METRNL: variants seen among roughly 807,000 people sequenced by gnomAD.
METRNL encodes the protein meteorin-like protein.
In METRNL, 9 loss-of-function variants were observed where a neutral mutation model predicts 17.4. The observed-to-expected ratio is 0.52, with a 90% CI of 0.31 to 0.90. The LOEUF is 0.90. METRNL is among the 40% of genes least tolerant of loss of function. METRNL has a pLI of 0.05. For missense variants in METRNL, 408 were observed against 430.7 expected (o/e 0.95, Z 0.47); for synonymous variants, 215 against 199.3 (o/e 1.08, Z -0.66).
chr17:83,080,894 G>C (rs1364809815), intron 1 of METRNL, among the ~76,000 whole-genome samples: 1 of 150,884 alleles, frequency 6.6e-6, no homozygotes, highest in African/African-American at 2.4e-5. Context: ...CGCGGGCCGA[G>C]TCACGCGGTG....
Position 83,094,299 on chromosome 17 carries a change from G to A in METRNL, c.660G>A (p.Arg220=), listed in dbSNP as rs1483919594. 6 of 1,590,956 alleles carry A rather than the reference G, an allele frequency of 3.8e-6. No homozygotes were observed. Among genetic ancestry groups the A allele is most frequent in the Non-Finnish European group, 5.2e-6 (6 of 1,162,904 alleles). Reference sequence around the variant, plus strand: ...AGCAAGTTACCCACGAGCCTGAGCGGCAGGACTCAGCCATCCACCTGCGCG... The same window carrying A: ...AGCAAGTTACCCACGAGCCTGAGCGACAGGACTCAGCCATCCACCTGCGCG... ...SIQQVTHEPE[R]QDSAIHLRVS... is the part of the protein sequence containing the mutation. Residue 220 remains arginine, a synonymous_variant, in exon 4 of 4, where the codon CGG becomes CGA. Transcript: ENST00000320095.
chr17:83,080,534 C>G (rs1471279253), intron 1 of METRNL, among the ~76,000 whole-genome samples: 1 of 134,388 alleles, frequency 7.4e-6, no homozygotes, highest in Non-Finnish European at 1.6e-5. Context: ...GGTCAGGCCG[C>G]CCTTGGCCGC....
intron 1 of METRNL, among the ~76,000 whole-genome samples, chr17:83,083,022 G>A (rs1023248606): frequency 6.6e-6 from 1 of 152,234 alleles, no homozygotes; most frequent in African/African-American, 2.4e-5. Context: ...GGTGAAGGCC[G>A]GGGTAGCCGG....
At chr17:83,083,640 G>A (rs1425497741) in intron 1 of METRNL, among the ~76,000 whole-genome samples, 2 of 152,192 alleles carry the variant, frequency 1.3e-5, no homozygotes, top group African/African-American at 2.4e-5. Context: ...GTCGGGGTGG[G>A]GAGAGGGTGA....
chr17:83,082,857 C>T (rs1568334789), intron 1 of METRNL, among the ~76,000 whole-genome samples: 3 of 152,170 alleles, frequency 2.0e-5, no homozygotes, highest in South Asian at 2.1e-4. Context: ...ACGGGTCTTG[C>T]GCATCATGTG....
intron 2 of METRNL, among the ~76,000 whole-genome samples, chr17:83,091,973 T>G (rs903406173): frequency 3.3e-5 from 5 of 152,198 alleles, no homozygotes; most frequent in African/African-American, 1.2e-4. Flanking sequence ...GGTTTCTGTT[T>G]CACAGTGGCC....
At chr17:83,091,554 C>T (rs1395461733) in intron 2 of METRNL, among the ~76,000 whole-genome samples, 1 of 152,240 alleles carries the variant, frequency 6.6e-6, no homozygotes, top group Non-Finnish European at 1.5e-5. Context: ...CCCGCCTTGG[C>T]CAAGGTGCCA....
chr17:83,081,765 A>C (rs1249528325), intron 1 of METRNL, among the ~76,000 whole-genome samples: 1 of 152,068 alleles, frequency 6.6e-6, no homozygotes, highest in Non-Finnish European at 1.5e-5. Flanking sequence ...TGTGATCTGG[A>C]GGGGACACGG....
At chr17:83,080,454 G>C (rs995764246) in intron 1 of METRNL, among the ~76,000 whole-genome samples, 1 of 150,290 alleles carries the variant, frequency 6.7e-6, no homozygotes, top group African/African-American at 2.4e-5. Context: ...GTCTCGGGGA[G>C]CCGCGGGCGG....
At chr17:83,088,349 G>A (rs997428617) in intron 2 of METRNL, among the ~76,000 whole-genome samples, 1 of 152,230 alleles carries the variant, frequency 6.6e-6, no homozygotes, top group African/African-American at 2.4e-5. Context: ...TCCGGGAAAC[G>A]GGCACCGTTC....
intron 3 of METRNL, 35 bp from the exon 4 acceptor site, chr17:83,094,221 G>A (rs767308348): frequency 2.0e-6 from 3 of 1,516,274 alleles, no homozygotes; most frequent in Admixed American, 3.9e-5. Flanking sequence ...GCTTGCCTTT[G>A]CTCACTCCCT....
intron 2 of METRNL, among the ~76,000 whole-genome samples, chr17:83,091,541 G>A (rs887669694): frequency 3.3e-5 from 5 of 152,242 alleles, no homozygotes; most frequent in Non-Finnish European, 5.9e-5. Flanking sequence ...CTGAGCAGCT[G>A]TCCCCGCCTT....
chr17:83,090,102 C>T (rs1028445866), intron 2 of METRNL, among the ~76,000 whole-genome samples: 1 of 151,612 alleles, frequency 6.6e-6, no homozygotes, highest in African/African-American at 2.4e-5. Flanking sequence ...TGTGGCTGGG[C>T]CTGTGGGCTC....
In METRNL at chr17:83,094,809, T is replaced by A. The variant is rs1285261213; in HGVS notation, c.*234T>A. On this transcript the variant is annotated 3_prime_UTR_variant, in exon 4 of 4. Coordinates refer to ENST00000320095, the MANE Select transcript of METRNL (RefSeq NM_001004431.3). ...GTAAAATGCAAACTAAGTTATTATATTTTTTTTTGGTAAAAAAGAAATGTC... is the reference window on the plus strand; with the variant it reads ...GTAAAATGCAAACTAAGTTATTATAATTTTTTTTGGTAAAAAAGAAATGTC... 3 of 358,290 alleles carry A rather than the reference T, an allele frequency of 8.4e-6. No homozygotes were observed. The highest frequency in any genetic ancestry group is 1.5e-5 in the Non-Finnish European group (3 of 201,102). 22.2% of individuals were successfully genotyped at this position (358,290 alleles called of 1,614,324 possible).
rs555596804 is a variant in METRNL, at chr17:83,084,639, G to T, written c.171-299G>T. 1,056 of 482,698 alleles carry T rather than the reference G, an allele frequency of 2.2e-3. 1 individual carries two copies. The highest frequency in any genetic ancestry group is 3.3e-3 in the Non-Finnish European group (894 of 272,034). The allele number at this position is 482,698 out of a possible 1,614,324, so 29.9% of individuals were successfully genotyped here. On this transcript the variant is annotated intron_variant, in intron 1 of 3. Coordinates refer to ENST00000320095, the MANE Select transcript of METRNL (RefSeq NM_001004431.3). ...GGCGCAGACTCTTGAGTGTTGGAGG[G>T]TGTCTGGAGGGCCTGGGGACAAGCA...
intron 3 of METRNL, 68 bp downstream of exon 3, chr17:83,093,294 C>A: frequency 7.4e-7 from 1 of 1,346,278 alleles, no homozygotes; most frequent in Non-Finnish European, 1.0e-6. Flanking sequence ...CTGTTTGGGC[C>A]CAGGAGTCCC....
chr17:83,086,527 G>C (rs1482718362), intron 2 of METRNL, among the ~76,000 whole-genome samples: 1 of 152,178 alleles, frequency 6.6e-6, no homozygotes, highest in Non-Finnish European at 1.5e-5. Flanking sequence ...TGCTCTGGGG[G>C]CCCTGGAGAA....
intron 2 of METRNL, among the ~76,000 whole-genome samples, chr17:83,090,080 G>A (rs1470861116): frequency 1.3e-5 from 2 of 151,922 alleles, no homozygotes; most frequent in Non-Finnish European, 2.9e-5. Context: ...CCAGGCCCCG[G>A]GGTGGGACGC....
chr17:83,088,741 C>T (rs971771079), intron 2 of METRNL, among the ~76,000 whole-genome samples: 1 of 149,956 alleles, frequency 6.7e-6, no homozygotes, highest in Non-Finnish European at 1.5e-5. Context: ...TGGCTGAGCC[C>T]GTAGGTGAAT....
Sources: gnomAD v4.1 joint callset for allele counts (sites outside exome capture counted in the v4.1 genomes callset) on GRCh38, gnomAD v4.1.1 for gene constraint, MANE v1.5 for transcripts, NCBI Gene and HGNC (gene_info 2026-07-23, HGNC 2026-07-21) for gene names.